Variants in MAN1A2 observed in about 807,000 individuals in gnomAD.
MAN1A2 encodes the protein mannosyl-oligosaccharide 1,2-alpha-mannosidase IB.
MAN1A2 carries 26 observed loss-of-function variants against 75.7 expected under a neutral mutation model. The observed-to-expected ratio is 0.34, with a 90% CI of 0.25 to 0.48. MAN1A2 has a LOEUF of 0.48. Ranked by LOEUF, MAN1A2 falls within the 20% of genes least tolerant of loss-of-function variation. MAN1A2 has a pLI of 0.99. For missense variants in MAN1A2, 562 were observed against 775.5 expected (o/e 0.72, Z 3.27); for synonymous variants, 247 against 264.6 (o/e 0.93, Z 0.65).
intron 1 of MAN1A2, among the ~76,000 whole-genome samples, chr1:117,379,118 G>A (rs1000364255): frequency 1.3e-5 from 2 of 151,812 alleles, no homozygotes; most frequent in Non-Finnish European, 2.9e-5. Context: ...GTAAAGTTTT[G>A]TTTTTCACAC....
chr1:117,419,048 A>G lies in MAN1A2; in HGVS notation c.775-1521A>G, dbSNP rs150362822. On this transcript the variant is annotated intron_variant, in intron 4 of 12. Transcript: ENST00000356554. ...TTGTAAAGCTGACATAGGAGTCTCA[A>G]GTTTGACAATTCTGGGTACAGCAAG... 4.3e-3 allele frequency among the ~76,000 whole-genome samples: 659 copies of G among 152,242 alleles called. 2 individuals carry two copies. Among genetic ancestry groups the G allele is most frequent in the Non-Finnish European group, 7.6e-3 (519 of 67,990 alleles).
chr1:117,451,654 T>G (rs1303668129), intron 6 of MAN1A2, among the ~76,000 whole-genome samples: 1 of 152,226 alleles, frequency 6.6e-6, no homozygotes, highest in East Asian at 1.9e-4. Context: ...TCTGATGGTT[T>G]TAAAAAGGGG....
chr1:117,444,580 C>T (rs960935620), intron 6 of MAN1A2, among the ~76,000 whole-genome samples: 2 of 151,970 alleles, frequency 1.3e-5, no homozygotes, highest in African/African-American at 2.4e-5. Flanking sequence ...TAATTTTTGA[C>T]ACGATGGTTG....
intron 5 of MAN1A2, among the ~76,000 whole-genome samples, chr1:117,435,980 C>G (rs538994623): frequency 2.6e-5 from 4 of 152,068 alleles, no homozygotes; most frequent in Non-Finnish European, 2.9e-5. Context: ...ATCACTTGAA[C>G]CTGGGAGGTG....
intron 12 of MAN1A2, among the ~76,000 whole-genome samples, chr1:117,504,951 G>T (rs976269327): frequency 2.0e-5 from 3 of 151,188 alleles, no homozygotes; most frequent in African/African-American, 4.8e-5. Flanking sequence ...CCCATTATTG[G>T]TGATTTTAAA....
chr1:117,370,217 T>C (rs879732591), intron 1 of MAN1A2, among the ~76,000 whole-genome samples: 11 of 152,160 alleles, frequency 7.2e-5, no homozygotes, highest in Admixed American at 6.6e-4. Flanking sequence ...AACTATTGGG[T>C]TCCTGAGTTT....
intron 1 of MAN1A2, among the ~76,000 whole-genome samples, chr1:117,382,892 A>G (rs951632751): frequency 1.3e-5 from 2 of 152,178 alleles, no homozygotes; most frequent in Non-Finnish European, 2.9e-5. Flanking sequence ...ATGCACTACA[A>G]TTTGCTAAAT....
chr1:117,403,122 G>C (rs1334825689), intron 2 of MAN1A2, among the ~76,000 whole-genome samples: 2 of 152,102 alleles, frequency 1.3e-5, no homozygotes, highest in Admixed American at 1.3e-4. Context: ...TGATTATACT[G>C]CCTGTGAAGA....
intron 8 of MAN1A2, among the ~76,000 whole-genome samples, chr1:117,477,244 C>T (rs1263348008): frequency 1.3e-5 from 2 of 151,884 alleles, no homozygotes; most frequent in African/African-American, 4.8e-5. Context: ...TGAAACTAAT[C>T]CAAACAGTAG....
intron 5 of MAN1A2, among the ~76,000 whole-genome samples, chr1:117,432,520 A>G (rs1331552141): frequency 1.3e-5 from 2 of 152,218 alleles, no homozygotes; most frequent in African/African-American, 2.4e-5. Flanking sequence ...GCAAAATTTA[A>G]TAACATAGAC....
intron 8 of MAN1A2, among the ~76,000 whole-genome samples, chr1:117,480,413 A>G (rs562123954): frequency 2.6e-5 from 4 of 151,852 alleles, no homozygotes; most frequent in East Asian, 1.9e-4. Context: ...AGCGATTACT[A>G]TCCTCTGTTG....
At chr1:117,519,049 A>T (rs1187649770) in intron 12 of MAN1A2, among the ~76,000 whole-genome samples, 1 of 152,132 alleles carries the variant, frequency 6.6e-6, no homozygotes, top group Non-Finnish European at 1.5e-5. Flanking sequence ...AAAACCATGC[A>T]AATACATAGA....
At chr1:117,391,988 C>A (rs1653735392) in intron 1 of MAN1A2, among the ~76,000 whole-genome samples, 1 of 152,004 alleles carries the variant, frequency 6.6e-6, no homozygotes, top group Admixed American at 6.6e-5. Flanking sequence ...ACTTTAAATA[C>A]ATTTTATTAG....
chr1:117,496,499 A>G (rs1234695542), intron 9 of MAN1A2, among the ~76,000 whole-genome samples: 1 of 151,988 alleles, frequency 6.6e-6, no homozygotes, highest in Non-Finnish European at 1.5e-5. Flanking sequence ...GACTAAAGAT[A>G]ATATTATGTA....
chr1:117,504,300 G>A (rs1651285032), intron 12 of MAN1A2, among the ~76,000 whole-genome samples: 1 of 148,664 alleles, frequency 6.7e-6, no homozygotes, highest in South Asian at 2.1e-4. Context: ...CCCAGATTGT[G>A]TAGTATCTCT....
intron 7 of MAN1A2, among the ~76,000 whole-genome samples, chr1:117,463,307 T>C (rs1395002674): frequency 6.6e-6 from 1 of 152,060 alleles, no homozygotes; most frequent in Non-Finnish European, 1.5e-5. Flanking sequence ...CTGAAACCTT[T>C]CTGGGAAAAG....
chr1:117,439,803 G>A (rs768420365), intron 5 of MAN1A2, among the ~76,000 whole-genome samples: 1 of 151,906 alleles, frequency 6.6e-6, no homozygotes, highest in East Asian at 1.9e-4. Flanking sequence ...CCTAACTTTC[G>A]TTACTTATAC....
chr1:117,379,297 G>A (rs987348924), intron 1 of MAN1A2, among the ~76,000 whole-genome samples: 1 of 151,996 alleles, frequency 6.6e-6, no homozygotes, highest in Non-Finnish European at 1.5e-5. Flanking sequence ...TATATTCATA[G>A]ATTTGTTTAT....
At chr1:117,473,096 A>T (rs1411328897) in intron 8 of MAN1A2, among the ~76,000 whole-genome samples, 1 of 152,024 alleles carries the variant, frequency 6.6e-6, no homozygotes, top group African/African-American at 2.4e-5. Context: ...TTACTTAAAT[A>T]TCTTATAGAT....
Sources: gnomAD v4.1 joint callset for allele counts (sites outside exome capture counted in the v4.1 genomes callset) on GRCh38, gnomAD v4.1.1 for gene constraint, MANE v1.5 for transcripts, NCBI Gene and HGNC (gene_info 2026-07-23, HGNC 2026-07-21) for gene names.